FMNL2: variants seen among roughly 807,000 people sequenced by gnomAD.
The protein encoded by FMNL2 is formin like 2, also known as formin-like protein 2.
In FMNL2, 51 loss-of-function variants were observed where a neutral mutation model predicts 130.2. That is an observed-to-expected ratio of 0.39 (90% CI 0.31 to 0.49). The LOEUF (loss-of-function observed/expected upper bound fraction) is 0.49, where lower values mean the gene tolerates loss of function less well. FMNL2 is among the 20% of genes least tolerant of loss of function. The pLI, the probability that FMNL2 is intolerant of heterozygous loss-of-function variation, is 0.85. For missense variants in FMNL2, 977 were observed against 1,316.2 expected (o/e 0.74, Z 3.99); for synonymous variants, 465 against 467.1 (o/e 1.00, Z 0.06).
intron 1 of FMNL2, among the ~76,000 whole-genome samples, chr2:152,416,260 G>A (rs1046207384): frequency 6.6e-6 from 1 of 152,170 alleles, no homozygotes; most frequent in Admixed American, 6.5e-5. Flanking sequence ...GGTTGCTGGT[G>A]AAAGAGGATA....
At chr2:152,425,484 T>A (rs1687154192) in intron 1 of FMNL2, among the ~76,000 whole-genome samples, 1 of 152,222 alleles carries the variant, frequency 6.6e-6, no homozygotes, top group Non-Finnish European at 1.5e-5. Context: ...TTTCTGACAA[T>A]TCTGTTCTTA....
intron 2 of FMNL2, among the ~76,000 whole-genome samples, chr2:152,535,633 G>A (rs973873485): frequency 6.6e-6 from 1 of 152,186 alleles, no homozygotes; most frequent in African/African-American, 2.4e-5. Context: ...GGAAACAGGG[G>A]ATCCAAACAT....
chr2:152,452,733 A>G (rs1688710626), intron 1 of FMNL2, among the ~76,000 whole-genome samples: 1 of 141,508 alleles, frequency 7.1e-6, no homozygotes, highest in Non-Finnish European at 1.6e-5. Context: ...GCCATGGGCC[A>G]AGGGATTCCT....
intron 1 of FMNL2, among the ~76,000 whole-genome samples, chr2:152,380,433 C>T (rs12466536): frequency 0.79 from 119,654 of 152,196 alleles, 47,372 homozygotes; most frequent in Admixed American, 0.87. Flanking sequence ...ACATTCCTAA[C>T]TGTGTGTAGT....
chr2:152,344,907 G>T (rs907620490), intron 1 of FMNL2, among the ~76,000 whole-genome samples: 2 of 152,162 alleles, frequency 1.3e-5, no homozygotes, highest in Admixed American at 6.5e-5. Flanking sequence ...TAAGCAATTA[G>T]CCTTGAGAAT....
intron 1 of FMNL2, among the ~76,000 whole-genome samples, chr2:152,362,831 A>T (rs964609920): frequency 6.6e-6 from 1 of 152,232 alleles, no homozygotes; most frequent in African/African-American, 2.4e-5. Context: ...GTATATATTC[A>T]TACAATGGGA....
intron 1 of FMNL2, among the ~76,000 whole-genome samples, chr2:152,513,915 C>G (rs1434196297): frequency 6.6e-6 from 1 of 152,122 alleles, no homozygotes; most frequent in Non-Finnish European, 1.5e-5. Flanking sequence ...TGCCTGAGAC[C>G]TGTGCCAGGA....
intron 1 of FMNL2, among the ~76,000 whole-genome samples, chr2:152,500,492 C>G (rs1188872091): frequency 1.3e-5 from 2 of 152,158 alleles, no homozygotes; most frequent in Non-Finnish European, 2.9e-5. Flanking sequence ...GAATCAACAG[C>G]TGTCAACCGC....
At chr2:152,420,898 C>A (rs1219801032) in intron 1 of FMNL2, among the ~76,000 whole-genome samples, 1 of 152,132 alleles carries the variant, frequency 6.6e-6, no homozygotes, top group Non-Finnish European at 1.5e-5. Flanking sequence ...ACAGGAAAGA[C>A]TAGGAGTAGG....
At chr2:152,638,531 A>G (rs1392415789) in intron 23 of FMNL2, among the ~76,000 whole-genome samples, 1 of 152,210 alleles carries the variant, frequency 6.6e-6, no homozygotes, top group Non-Finnish European at 1.5e-5. Context: ...CTGGAAAATC[A>G]TTATTGGGCC....
At chr2:152,346,652 C>A (rs1682140020) in intron 1 of FMNL2, among the ~76,000 whole-genome samples, 1 of 152,026 alleles carries the variant, frequency 6.6e-6, no homozygotes, top group Non-Finnish European at 1.5e-5. Context: ...AAGTAAGATA[C>A]CCTATCTCTA....
At chr2:152,623,350 T>C (rs781540953) in intron 15 of FMNL2, among the ~76,000 whole-genome samples, 2 of 152,176 alleles carry the variant, frequency 1.3e-5, no homozygotes, top group Non-Finnish European at 2.9e-5. Context: ...ATCGAGAACA[T>C]CTGTTTTCCT....
chr2:152,486,350 A>C (rs1383317507), intron 1 of FMNL2, among the ~76,000 whole-genome samples: 2 of 152,236 alleles, frequency 1.3e-5, no homozygotes, highest in African/African-American at 4.8e-5. Flanking sequence ...CGATTCTTTC[A>C]GGAGCTATTT....
intron 1 of FMNL2, among the ~76,000 whole-genome samples, chr2:152,398,976 A>G (rs1685540732): frequency 6.6e-6 from 1 of 152,234 alleles, no homozygotes; most frequent in African/African-American, 2.4e-5. Context: ...TGTGTTGTGG[A>G]GAGACAAACA....
intron 1 of FMNL2, among the ~76,000 whole-genome samples, chr2:152,423,468 G>A (rs1012325626): frequency 2.0e-5 from 3 of 152,180 alleles, no homozygotes; most frequent in African/African-American, 7.2e-5. Context: ...AAGAATGGGG[G>A]AAGCAGTAGC....
intron 23 of FMNL2, among the ~76,000 whole-genome samples, chr2:152,639,357 T>C (rs1034915252): frequency 6.6e-6 from 1 of 152,224 alleles, no homozygotes. Flanking sequence ...AGTTCACAGC[T>C]TGACAACTAG....
At chr2:152,549,137 G>A in intron 4 of FMNL2, 40 bp downstream of exon 4, 1 of 1,420,122 alleles carries the variant, frequency 7.0e-7, no homozygotes, top group Admixed American at 2.3e-5. Flanking sequence ...TAAAGCTTTT[G>A]GACACTTTAC....
chr2:152,354,990 T>C (rs1016882409), intron 1 of FMNL2, among the ~76,000 whole-genome samples: 19 of 152,208 alleles, frequency 1.2e-4, no homozygotes, highest in African/African-American at 4.6e-4. Context: ...TTGTAGCCTT[T>C]AGTCAGCTTA....
chr2:152,450,035 C>G (rs766958128), intron 1 of FMNL2, among the ~76,000 whole-genome samples: 7 of 152,190 alleles, frequency 4.6e-5, no homozygotes, highest in Non-Finnish European at 1.0e-4. Context: ...ACAACGGCTC[C>G]TTCTGTCACC....
Sources: gnomAD v4.1 joint callset for allele counts (sites outside exome capture counted in the v4.1 genomes callset) on GRCh38, gnomAD v4.1.1 for gene constraint, MANE v1.5 for transcripts, NCBI Gene and HGNC (gene_info 2026-07-23, HGNC 2026-07-21) for gene names.